PSKH1: variants seen among roughly 807,000 people sequenced by gnomAD.
The protein encoded by PSKH1 is serine/threonine-protein kinase H1.
PSKH1 carries 12 observed loss-of-function variants against 26.7 expected under a neutral mutation model. That is an observed-to-expected ratio of 0.45 (90% CI 0.29 to 0.73). PSKH1 has a LOEUF of 0.73. Among genes scored for constraint, PSKH1 ranks in the 30% least tolerant of loss-of-function variants. The probability of loss-of-function intolerance (pLI) is 0.11; values close to 1 mark genes in which losing one functional copy is unlikely to be tolerated. For missense variants in PSKH1, 431 were observed against 595.2 expected (o/e 0.72, Z 2.87); for synonymous variants, 213 against 234.3 (o/e 0.91, Z 0.83).
rs2058226099 is a variant in PSKH1 at position 67,928,410 on chromosome 16, C to T, written c.*768C>T. 1 of 152,676 alleles carries T rather than the reference C, an allele frequency of 6.5e-6. No homozygotes were observed. The highest frequency in any genetic ancestry group is 2.4e-5 in the African/African-American group (1 of 41,434). The allele number at this position is 152,676 out of a possible 1,614,324, so 9.5% of individuals were successfully genotyped here. ...CTTGGTGCCTTCTTTGTAGAGCCCA[C>T]CGCTACCTCCCTCTCCCCGTTGGAT... On this transcript the variant is annotated 3_prime_UTR_variant, in exon 3 of 3. Coordinates refer to ENST00000291041, the MANE Select transcript of PSKH1 (RefSeq NM_006742.3). The surrounding 1 kb of genome is among the most constrained non-coding windows in gnomAD (Gnocchi z 4.8).
intron 2 of PSKH1, among the ~76,000 whole-genome samples, chr16:67,911,685 C>G (rs1176721747): frequency 6.6e-6 from 1 of 151,832 alleles, no homozygotes; most frequent in Admixed American, 6.6e-5. Flanking sequence ...TCTGTCCCCC[C>G]CAAAAAAAAA....
Position 67,909,104 on chromosome 16 carries a change from G to A in PSKH1, c.355G>A (p.Ala119Thr). Residue 119 changes from alanine to threonine, a missense_variant, in exon 2 of 3, where the codon GCA becomes ACA. Physicochemically the swap from Ala to Thr is moderately conservative, Grantham distance 58. Coordinates refer to ENST00000291041, the MANE Select transcript of PSKH1 (RefSeq NM_006742.3). The surrounding 1 kb of genome is among the most constrained non-coding windows in gnomAD (Gnocchi z 7.8). ...FSRVVRVEHR[A>T]TRQPYAIKMI... ...CCGAGTGGTACGTGTAGAGCACCGG[G>A]CAACCCGGCAGCCGTATGCCATCAA... The A allele has an allele frequency of 6.2e-7, 1 of 1,614,174 alleles. No individual in the cohort carries two copies. Among genetic ancestry groups the A allele is most frequent in the Non-Finnish European group, 8.5e-7 (1 of 1,180,028 alleles).
intron 1 of PSKH1, among the ~76,000 whole-genome samples, chr16:67,897,966 G>T (rs2058131067): frequency 6.6e-6 from 1 of 152,160 alleles, no homozygotes; most frequent in South Asian, 2.1e-4. Context: ...TCCTGCCTCA[G>T]CCTCCCGAGT....
At position 67,908,858 on chromosome 16, in the gene PSKH1, C is replaced by T. The variant is rs374100286; in HGVS notation, c.109C>T (p.His37Tyr). Residue 37 changes from histidine to tyrosine, a missense_variant, in exon 2 of 3, where the codon CAC becomes TAC. Physicochemically the swap from His to Tyr is moderately conservative, Grantham distance 83. Transcript: ENST00000291041. Reference sequence around the variant, plus strand: ...TGGCACTAAGAGTGACGTGTACAAGCACTTCATCACAGAGGTGGACAGTGT... The same window carrying T: ...TGGCACTAAGAGTGACGTGTACAAGTACTTCATCACAGAGGTGGACAGTGT... ...FSGTKSDVYKHFITEVDSVGP... is the reference protein window; with the variant it reads ...FSGTKSDVYKYFITEVDSVGP... 1 of 1,614,180 alleles carries T rather than the reference C, an allele frequency of 6.2e-7. No individual in the cohort carries two copies. Among genetic ancestry groups the T allele is most frequent in the Non-Finnish European group, 8.5e-7 (1 of 1,180,040 alleles).
At chr16:67,907,499 G>T (rs1277197327) in intron 1 of PSKH1, among the ~76,000 whole-genome samples, 2 of 152,184 alleles carry the variant, frequency 1.3e-5, no homozygotes, top group African/African-American at 4.8e-5. Context: ...GACCTCAGGT[G>T]ATCTGCCCGC....
intron 2 of PSKH1, among the ~76,000 whole-genome samples, chr16:67,915,474 T>G (rs1012945890): frequency 6.6e-6 from 1 of 151,880 alleles, no homozygotes; most frequent in Non-Finnish European, 1.5e-5. Context: ...GAGATCAGGC[T>G]CTCTCAGCTG....
At chr16:67,925,721 T>A (rs1178582986) in intron 2 of PSKH1, among the ~76,000 whole-genome samples, 4 of 152,172 alleles carry the variant, frequency 2.6e-5, no homozygotes, top group Non-Finnish European at 5.9e-5. Context: ...TAGGTGTGTT[T>A]GGGAATATGG....
chr16:67,918,849 C>T (rs990879414), intron 2 of PSKH1, among the ~76,000 whole-genome samples: 2 of 152,100 alleles, frequency 1.3e-5, no homozygotes, highest in Non-Finnish European at 2.9e-5. Context: ...GCCTTGGCCT[C>T]CCAAAGTGCT....
Position 67,927,862 on chromosome 16 carries a change from C to T in PSKH1, c.*220C>T. 1 of 597,530 alleles carries T rather than the reference C, an allele frequency of 1.7e-6. No individual in the cohort carries two copies. The highest frequency in any genetic ancestry group is 2.9e-6 in the Non-Finnish European group (1 of 346,642). 37.0% of individuals were successfully genotyped at this position (597,530 alleles called of 1,614,324 possible). A position where few individuals can be genotyped will look rare whatever the true frequency, so the allele number is the denominator to read the frequency against. On this transcript the variant is annotated 3_prime_UTR_variant, in exon 3 of 3. Coordinates refer to ENST00000291041, the MANE Select transcript of PSKH1 (RefSeq NM_006742.3). This position sits in a 1 kb window ranked among gnomAD's most constrained non-coding sequence, Gnocchi z 5.5. ...AGGTAGCACAGGGGGCTGTGACTCC[C>T]CCTGAACTGGGAGCCTGGCCTGGCA...
chr16:67,908,719 C>G lies in PSKH1; in HGVS notation c.-31C>G. 1 of 1,546,594 alleles carries G rather than the reference C, an allele frequency of 6.5e-7. No individual in the cohort carries two copies. Among genetic ancestry groups the G allele is most frequent in the Non-Finnish European group, 8.8e-7 (1 of 1,141,708 alleles). On this transcript the variant is annotated 5_prime_UTR_variant, in exon 2 of 3. Transcript: ENST00000291041. ...CTGCCTTCAGAGCAGGTCCTGCCAG[C>G]CTCGCTGGAGAGGATGCCCTCGTGT...
chr16:67,921,950 C>T (rs1341715967), intron 2 of PSKH1, among the ~76,000 whole-genome samples: 1 of 151,946 alleles, frequency 6.6e-6, no homozygotes, highest in Admixed American at 6.6e-5. Flanking sequence ...CACACCTTTT[C>T]TCATTTTAAT....
chr16:67,921,984 T>C (rs1035027493), intron 2 of PSKH1, among the ~76,000 whole-genome samples: 2 of 152,118 alleles, frequency 1.3e-5, no homozygotes, highest in Admixed American at 6.5e-5. Context: ...TTTTTTTTTT[T>C]TAATTCTCTA....
At chr16:67,904,571 C>T (rs2058150825) in intron 1 of PSKH1, among the ~76,000 whole-genome samples, 2 of 151,744 alleles carry the variant, frequency 1.3e-5, no homozygotes, top group Non-Finnish European at 2.9e-5. Context: ...AACTCCCTAC[C>T]TCAGGTGATT....
chr16:67,925,176 G>A lies in PSKH1; in HGVS notation c.958-2149G>A, dbSNP rs1297320434. ...TCTAGTCCAGTTGCCCTGCATATTG[G>A]CCTTAATACCTCAATATGAATATTT... On this transcript the variant is annotated intron_variant, in intron 2 of 2. Coordinates refer to ENST00000291041, the MANE Select transcript of PSKH1 (RefSeq NM_006742.3). Among the ~76,000 whole-genome samples, 3 of 151,642 alleles carry A rather than the reference G, an allele frequency of 2.0e-5. No homozygotes were observed. In the East Asian group the frequency reaches 5.8e-4, roughly 29 times the overall value.
intron 2 of PSKH1, chr16:67,910,147 GA>G (rs2058169559): frequency 3.7e-6 from 1 of 271,936 alleles, no homozygotes; most frequent in Non-Finnish European, 7.0e-6. Flanking sequence ...CATGGGTTGA[GA>G]ATTTCTTTGA....
intron 1 of PSKH1, among the ~76,000 whole-genome samples, chr16:67,907,207 C>G (rs2058158637): frequency 6.6e-6 from 1 of 151,954 alleles, no homozygotes; most frequent in Non-Finnish European, 1.5e-5. Context: ...TTGTGATCCG[C>G]CCGCCTCGGT....
chr16:67,918,216 G>A (rs1253486067), intron 2 of PSKH1, among the ~76,000 whole-genome samples: 1 of 152,164 alleles, frequency 6.6e-6, no homozygotes, highest in Non-Finnish European at 1.5e-5. Flanking sequence ...GAGGCAGGAC[G>A]GATGAAGGGG....
chr16:67,909,483 C>A lies in PSKH1; in HGVS notation c.734C>A (p.Ala245Asp). Residue 245 changes from alanine (A) to aspartate (D), a missense_variant, in exon 2 of 3, where the codon GCT (alanine) becomes GAT (aspartate). By Grantham distance (126) the Ala-to-Asp change is moderately radical. Transcript: ENST00000291041. The surrounding 1 kb of genome is among the most constrained non-coding windows in gnomAD (Gnocchi z 7.8). ...IIITDFGLASARKKGDDCLMK... is the reference protein window; with the variant it reads ...IIITDFGLASDRKKGDDCLMK... ...ATCACCGACTTCGGCCTGGCCAGTG[C>A]TCGCAAGAAGGGTGATGACTGCTTG... 1 of 1,613,690 alleles carries A rather than the reference C, an allele frequency of 6.2e-7. No individual in the cohort carries two copies. The highest frequency in any genetic ancestry group is 1.3e-5 in the African/African-American group (1 of 75,022).
At position 67,929,629 on chromosome 16, in the gene PSKH1, A is replaced by C. The variant is rs981914525; in HGVS notation, c.*1987A>C. 4.7e-6 allele frequency: 2 copies of C among 422,466 alleles called. No individual in the cohort carries two copies. Among genetic ancestry groups the C allele is most frequent in the Non-Finnish European group, 8.7e-6 (2 of 229,358 alleles). The allele number at this position is 422,466 out of a possible 1,614,324, so 26.2% of individuals were successfully genotyped here. A position where few individuals can be genotyped will look rare whatever the true frequency, so the allele number is the denominator to read the frequency against. On this transcript the variant is annotated 3_prime_UTR_variant, in exon 3 of 3. Transcript: ENST00000291041. ...TTCAGTTTGTAAACGTATCCTCTGT[A>C]TTCAGTAAACAGGCTGCCTCTCCAG...
Sources: allele counts gnomAD v4.1 joint callset (sites outside exome capture counted in the v4.1 genomes callset), GRCh38; gene constraint gnomAD v4.1.1; non-coding constraint Gnocchi (gnomAD v3.1); transcripts MANE v1.5; gene names NCBI Gene and HGNC (gene_info 2026-07-23, HGNC 2026-07-21).